COL26A1: variants seen among roughly 807,000 people sequenced by gnomAD.
The protein encoded by COL26A1 is collagen alpha-1(XXVI) chain.
Under a neutral mutation model 59.3 loss-of-function variants are expected in COL26A1, and 41 were observed. That is an observed-to-expected ratio of 0.69 (90% CI 0.54 to 0.90). The LOEUF is 0.90. Among genes scored for constraint, COL26A1 ranks in the 40% least tolerant of loss-of-function variants. The pLI, the probability that COL26A1 is intolerant of heterozygous loss-of-function variation, is 0.00. For missense variants in COL26A1, 612 were observed against 602.3 expected (o/e 1.02, Z -0.17); for synonymous variants, 266 against 256.0 (o/e 1.04, Z -0.37).
At chr7:101,495,595 A>C (rs1034600234) in intron 3 of COL26A1, among the ~76,000 whole-genome samples, 3 of 150,892 alleles carry the variant, frequency 2.0e-5, no homozygotes, top group Admixed American at 1.3e-4. Flanking sequence ...TTATTTTTTT[A>C]TTTTTAGTTG....
chr7:101,544,237 T>A (rs545720391), intron 6 of COL26A1, 141 bp downstream of exon 6: 144 of 618,312 alleles, frequency 2.3e-4, no homozygotes, highest in African/African-American at 2.8e-4. Flanking sequence ...CTTTTTTTTT[T>A]AATTTTTTGA....
chr7:101,541,508 CTT>C (rs60734069), intron 5 of COL26A1, among the ~76,000 whole-genome samples: 11 of 136,992 alleles, frequency 8.0e-5, no homozygotes, highest in East Asian at 2.1e-4. Context: ...CCACACTTGG[CTT>C]TTTTTTTTTT....
chr7:101,467,930 A>T (rs1439820084), intron 3 of COL26A1, among the ~76,000 whole-genome samples: 1 of 152,146 alleles, frequency 6.6e-6, no homozygotes, highest in Non-Finnish European at 1.5e-5. Flanking sequence ...GCCCCCAGGT[A>T]ACCCTTTTCT....
chr7:101,451,509 G>C (rs1266322698), intron 3 of COL26A1, among the ~76,000 whole-genome samples: 1 of 148,974 alleles, frequency 6.7e-6, no homozygotes, highest in Admixed American at 6.8e-5. Context: ...GAAATGCCAA[G>C]TAGAACATTT....
intron 3 of COL26A1, among the ~76,000 whole-genome samples, chr7:101,517,658 G>C (rs561362352): frequency 4.0e-4 from 61 of 152,166 alleles, no homozygotes; most frequent in African/African-American, 1.5e-3. Context: ...ATGAGATTTG[G>C]GTGAGGACAC....
At chr7:101,489,917 T>TCTTG in intron 3 of COL26A1, among the ~76,000 whole-genome samples, 1 of 101,804 alleles carries the variant, frequency 9.8e-6, no homozygotes, top group Non-Finnish European at 1.9e-5. Flanking sequence ...TTTCTTTCTT[T>TCTTG]CTTGTCTCTC....
At chr7:101,383,081 TTG>T (rs1416803813) in intron 1 of COL26A1, among the ~76,000 whole-genome samples, 1 of 152,030 alleles carries the variant, frequency 6.6e-6, no homozygotes, top group Non-Finnish European at 1.5e-5. Flanking sequence ...GCTTATAACA[TTG>T]TGTGTTTTTT....
intron 3 of COL26A1, among the ~76,000 whole-genome samples, chr7:101,493,757 TAAAAAAAAAA>T (rs57268952): frequency 1.4e-5 from 1 of 69,222 alleles, no homozygotes; most frequent in African/African-American, 6.7e-5. Flanking sequence ...CCATCTCTAC[TAAAAAAAAAA>T]AAAAAAAAAA....
At chr7:101,531,655 C>T (rs901686423) in intron 3 of COL26A1, among the ~76,000 whole-genome samples, 2 of 152,150 alleles carry the variant, frequency 1.3e-5, no homozygotes, top group African/African-American at 2.4e-5. Context: ...CCTCTTGACC[C>T]GAGACTGAGC....
chr7:101,556,975 A>C (rs1038510090), intron 12 of COL26A1, among the ~76,000 whole-genome samples: 1 of 129,818 alleles, frequency 7.7e-6, no homozygotes, highest in African/African-American at 3.0e-5. Flanking sequence ...GTGGGTGGAT[A>C]AGTGAGTGGA....
intron 4 of COL26A1, among the ~76,000 whole-genome samples, chr7:101,534,593 G>A (rs369814633): frequency 6.6e-6 from 1 of 151,496 alleles, no homozygotes; most frequent in Non-Finnish European, 1.5e-5. Flanking sequence ...TCACATGCAC[G>A]GATACTCAGG....
intron 2 of COL26A1, among the ~76,000 whole-genome samples, chr7:101,440,208 A>T (rs1055207238): frequency 6.6e-6 from 1 of 151,986 alleles, no homozygotes; most frequent in Admixed American, 6.6e-5. Context: ...TCTACTGAAA[A>T]TACAAAAATT....
At chr7:101,492,738 A>G (rs1163505687) in intron 3 of COL26A1, among the ~76,000 whole-genome samples, 1 of 126,600 alleles carries the variant, frequency 7.9e-6, no homozygotes, top group Non-Finnish European at 1.6e-5. Flanking sequence ...AAATAAATAA[A>G]TAAATAAATA....
rs528320190 is a variant in COL26A1 at position 101,376,456 on chromosome 7, G to T, written c.158+13266G>T. Among the ~76,000 whole-genome samples, 3 of 152,206 alleles carry T rather than the reference G, an allele frequency of 2.0e-5. No homozygotes were observed. In the South Asian group the frequency reaches 6.2e-4, roughly 32 times the overall value. On this transcript the variant is annotated intron_variant, in intron 1 of 12. Coordinates refer to ENST00000313669, the MANE Select transcript of COL26A1 (RefSeq NM_001278563.3). ...TTGTGGATGGGGGCTAAATGCTGAG[G>T]ACTTCCTAGAGGAGTCTCCATTCAA...
At chr7:101,550,278 T>C (rs929542503) in intron 9 of COL26A1, among the ~76,000 whole-genome samples, 2 of 150,472 alleles carry the variant, frequency 1.3e-5, no homozygotes, top group South Asian at 2.1e-4. Context: ...CTGGGCAACA[T>C]AGCAAGACCC....
In COL26A1 at chr7:101,507,772, G is replaced by A. The variant is rs559209008; in HGVS notation, c.386-25310G>A. 4.6e-5 allele frequency among the ~76,000 whole-genome samples: 7 copies of A among 151,670 alleles called. No individual in the cohort carries two copies. The South Asian group carries it at 1.5e-3, about 32-fold the overall frequency. On this transcript the variant is annotated intron_variant, in intron 3 of 12. Coordinates refer to ENST00000313669, the MANE Select transcript of COL26A1 (RefSeq NM_001278563.3). ...TATCAGAACTGTCTCAGCAACCTCC[G>A]GTCTCTCCCCACCAAGAGCAAGCAG...
At chr7:101,471,361 T>TC (rs1469480699) in intron 3 of COL26A1, among the ~76,000 whole-genome samples, 1 of 152,082 alleles carries the variant, frequency 6.6e-6, no homozygotes, top group African/African-American at 2.4e-5. Context: ...TCATCTAGAC[T>TC]CCCAATAGTG....
chr7:101,434,043 T>G (rs868803363), intron 2 of COL26A1, among the ~76,000 whole-genome samples: 4 of 8,232 alleles, frequency 4.9e-4, no homozygotes, highest in African/African-American at 2.5e-3. Flanking sequence ...TCCCTTCCCT[T>G]CCCTCCCTCC....
intron 1 of COL26A1, among the ~76,000 whole-genome samples, chr7:101,406,335 A>C (rs1201646401): frequency 6.6e-6 from 1 of 152,162 alleles, no homozygotes; most frequent in Admixed American, 6.5e-5. Context: ...TGATCAGGCC[A>C]TGGTGTTACA....
Sources: allele counts gnomAD v4.1 joint callset (sites outside exome capture counted in the v4.1 genomes callset), GRCh38; gene constraint gnomAD v4.1.1; transcripts MANE v1.5; gene names NCBI Gene and HGNC (gene_info 2026-07-23, HGNC 2026-07-21).